The following PTPRU variants were observed in gnomAD, a reference collection of about 807,000 sequenced individuals.
PTPRU encodes the protein protein tyrosine phosphatase receptor type U, also known as receptor-type tyrosine-protein phosphatase U.
PTPRU carries 69 observed loss-of-function variants against 166.3 expected under a neutral mutation model. The ratio of observed to expected loss-of-function variants is 0.41; its 90% CI spans 0.34 to 0.51. PTPRU has a LOEUF of 0.51. Among genes scored for constraint, PTPRU ranks in the 20% least tolerant of loss-of-function variants. The probability of loss-of-function intolerance (pLI) is 0.09; values close to 1 mark genes in which losing one functional copy is unlikely to be tolerated. For synonymous variants in PTPRU, 793 were observed against 814.0 expected (o/e 0.97, Z 0.44); for missense variants, 1,657 against 2,013.7 (o/e 0.82, Z 3.39).
chr1:29,292,362 C>T (rs1686681210), intron 15 of PTPRU, among the ~76,000 whole-genome samples: 2 of 152,170 alleles, frequency 1.3e-5, no homozygotes. Flanking sequence ...GATACAGTGG[C>T]TGAGAGAGAC....
At chr1:29,292,127 A>G (rs1686670979) in intron 15 of PTPRU, 101 bp downstream of exon 15, 3 of 1,406,814 alleles carry the variant, frequency 2.1e-6, no homozygotes, top group Non-Finnish European at 1.9e-6. Context: ...ACCTGCAACC[A>G]AAAGTGAAGC....
At chr1:29,290,721 C>T (rs1686591901) in intron 14 of PTPRU, among the ~76,000 whole-genome samples, 1 of 152,254 alleles carries the variant, frequency 6.6e-6, no homozygotes, top group Admixed American at 6.5e-5. Context: ...AGGCAGCTCT[C>T]CCTGCTGCTT....
Position 29,291,983 on chromosome 1 carries a change from G to T in PTPRU, c.2433G>T (p.Arg811=). The T allele has an allele frequency of 6.2e-7, 1 of 1,614,210 alleles. No individual in the cohort carries two copies. ...AGAGCACCCTGCAGGAGGACGAGCGGCTGGGCCTGTCCTTCATGGACACCC... is the reference window on the plus strand; with the variant it reads ...AGAGCACCCTGCAGGAGGACGAGCGTCTGGGCCTGTCCTTCATGGACACCC... The part of the protein sequence containing the change: ...TDQSTLQEDE[R]LGLSFMDTHG... Residue 811 remains arginine, a synonymous_variant, in exon 15 of 30, where the codon CGG becomes CGT. Transcript: ENST00000373779. This position sits in a 1 kb window ranked among gnomAD's most constrained non-coding sequence, Gnocchi z 4.1.
intron 26 of PTPRU, chr1:29,323,109 A>T (rs1283322461): frequency 6.8e-6 from 3 of 440,774 alleles, no homozygotes; most frequent in Non-Finnish European, 1.3e-5. Context: ...GCACAGCAGT[A>T]GGCATCAGTG....
At chr1:29,312,529 T>A in intron 21 of PTPRU, 23 bp from the exon 22 acceptor site, 2 of 1,566,278 alleles carry the variant, frequency 1.3e-6, no homozygotes, top group Non-Finnish European at 1.7e-6. Flanking sequence ...GGACTCTGAT[T>A]ATTATTCCCA....
chr1:29,255,488 A>G, intron 2 of PTPRU, 82 bp downstream of exon 2: 2 of 1,566,038 alleles, frequency 1.3e-6, no homozygotes, highest in Non-Finnish European at 1.7e-6. Flanking sequence ...CCTTGGGCAC[A>G]TTACTTAACC....
intron 1 of PTPRU, among the ~76,000 whole-genome samples, chr1:29,240,508 TC>T (rs1166616386): frequency 1.3e-5 from 2 of 152,050 alleles, no homozygotes; most frequent in African/African-American, 4.8e-5. Context: ...GAACCAGGTT[TC>T]CCTCCAGGAA....
rs1375116457 is a variant in PTPRU at position 29,320,424 on chromosome 1, C to T, written c.3688-261C>T. 4 of 372,704 alleles carry T rather than the reference C, an allele frequency of 1.1e-5. No individual in the cohort carries two copies. Among genetic ancestry groups the T allele is most frequent in the African/African-American group, 2.1e-5 (1 of 48,202 alleles). 23.1% of individuals were successfully genotyped at this position (372,704 alleles called of 1,614,324 possible). On this transcript the variant is annotated intron_variant, in intron 25 of 29. Transcript: ENST00000373779. The surrounding 1 kb of genome is among the most constrained non-coding windows in gnomAD (Gnocchi z 5.2). Reference sequence around the variant, plus strand: ...TGAGCTCAGCCTCATGCCCAAGCTCCCCTCGCCATACCTTTGGAAACTTTT... The same window carrying T: ...TGAGCTCAGCCTCATGCCCAAGCTCTCCTCGCCATACCTTTGGAAACTTTT...
chr1:29,315,935 A>C lies in PTPRU; in HGVS notation c.3364-67A>C. The C allele has an allele frequency of 6.4e-7, 1 of 1,573,832 alleles. No individual in the cohort carries two copies. Among genetic ancestry groups the C allele is most frequent in the South Asian group, 1.2e-5 (1 of 85,536 alleles). On this transcript the variant is annotated intron_variant, in intron 23 of 29. Transcript: ENST00000373779. The surrounding 1 kb of genome is among the most constrained non-coding windows in gnomAD (Gnocchi z 4.5). ...CCTGCTTCAACCTTGAGCTTGCTTA[A>C]GCCCCATCACCACAGATCTCCAGCT...
In PTPRU at chr1:29,311,289, C is replaced by T; in HGVS notation, c.2858-167C>T. 1.5e-6 allele frequency: 1 copy of T among 654,278 alleles called. No individual in the cohort carries two copies. The highest frequency in any genetic ancestry group is 1.9e-5 in the South Asian group (1 of 52,838). 40.5% of individuals were successfully genotyped at this position (654,278 alleles called of 1,614,324 possible). ...CCTGATGCTACCCAACCTCAGGGCCCTACAGGCATGCGTCAGCTGCAAGCT... is the reference window on the plus strand; with the variant it reads ...CCTGATGCTACCCAACCTCAGGGCCTTACAGGCATGCGTCAGCTGCAAGCT... On this transcript the variant is annotated intron_variant, in intron 19 of 29. Transcript: ENST00000373779. This position sits in a 1 kb window ranked among gnomAD's most constrained non-coding sequence, Gnocchi z 4.1.
chr1:29,274,298 C>G (rs1433084769), intron 7 of PTPRU, among the ~76,000 whole-genome samples: 1 of 152,226 alleles, frequency 6.6e-6, no homozygotes, highest in African/African-American at 2.4e-5. Context: ...CTCGGCCTCC[C>G]AAAGTGCTGG....
At chr1:29,247,492 T>G (rs1381896668) in intron 1 of PTPRU, among the ~76,000 whole-genome samples, 2 of 152,260 alleles carry the variant, frequency 1.3e-5, no homozygotes, top group African/African-American at 4.8e-5. Flanking sequence ...CCTCTCTCCA[T>G]GGACCTTTAT....
chr1:29,251,256 GAA>G (rs1055953111), intron 1 of PTPRU, among the ~76,000 whole-genome samples: 1 of 138,784 alleles, frequency 7.2e-6, no homozygotes, highest in Admixed American at 7.2e-5. Flanking sequence ...TATCTCAAAA[GAA>G]AAAAAAAAAA....
At chr1:29,249,294 AC>A (rs1260773620) in intron 1 of PTPRU, among the ~76,000 whole-genome samples, 1 of 151,474 alleles carries the variant, frequency 6.6e-6, no homozygotes, top group African/African-American at 2.4e-5. Flanking sequence ...CCCTTACATC[AC>A]CCCATCCTGA....
Position 29,238,546 on chromosome 1 carries a change from G to C in PTPRU, c.73+1829G>C, listed in dbSNP as rs1683894031. Among the ~76,000 whole-genome samples, 2 of 152,204 alleles carry C rather than the reference G, an allele frequency of 1.3e-5. No individual in the cohort carries two copies. The highest frequency in any genetic ancestry group is 2.1e-4 in the South Asian group (1 of 4,832). On this transcript the variant is annotated intron_variant, in intron 1 of 29. Transcript: ENST00000373779. The surrounding 1 kb of genome is among the most constrained non-coding windows in gnomAD (Gnocchi z 6.1). ...CTGCTGGCTCCGGTGTCTCGGGCCG[G>C]AACTCCTGTGGCTCCAGCGTTCGCG...
chr1:29,237,538 G>T lies in PTPRU; in HGVS notation c.73+821G>T, dbSNP rs1423414532. On this transcript the variant is annotated intron_variant, in intron 1 of 29. Transcript: ENST00000373779. The surrounding 1 kb of genome is among the most constrained non-coding windows in gnomAD (Gnocchi z 6.4). ...CCTGGTCCCGGGGCCGCCCGAGGGG[G>T]CGGTGGCAGGACGTGTGTGCGCGCG... Among the ~76,000 whole-genome samples, 1 of 151,478 alleles carries T rather than the reference G, an allele frequency of 6.6e-6. No individual in the cohort carries two copies. Among genetic ancestry groups the T allele is most frequent in the African/African-American group, 2.4e-5 (1 of 41,240 alleles).
In PTPRU at chr1:29,292,000, T is replaced by A. The variant is rs779101252; in HGVS notation, c.2450T>A (p.Met817Lys). The A allele has an allele frequency of 6.2e-7, 1 of 1,614,150 alleles. No homozygotes were observed. The highest frequency in any genetic ancestry group is 8.5e-7 in the Non-Finnish European group (1 of 1,180,008). Residue 817 changes from methionine to lysine, a missense_variant, in exon 15 of 30, where the codon ATG becomes AAG. By Grantham distance (95) the Met-to-Lys change is moderately conservative. Coordinates refer to ENST00000373779, the MANE Select transcript of PTPRU (RefSeq NM_133178.4). This position sits in a 1 kb window ranked among gnomAD's most constrained non-coding sequence, Gnocchi z 4.1. ...GACGAGCGGCTGGGCCTGTCCTTCATGGACACCCATGGCTACAGCACCCGG... is the reference window on the plus strand; with the variant it reads ...GACGAGCGGCTGGGCCTGTCCTTCAAGGACACCCATGGCTACAGCACCCGG... ...QEDERLGLSF[M>K]DTHGYSTRGD...
chr1:29,260,553 G>A lies in PTPRU; in HGVS notation c.851-57G>A. On this transcript the variant is annotated intron_variant, in intron 6 of 29. Coordinates refer to ENST00000373779, the MANE Select transcript of PTPRU (RefSeq NM_133178.4). The surrounding 1 kb of genome is among the most constrained non-coding windows in gnomAD (Gnocchi z 8.3). ...TGGGTGTGGTGGAACTCAGAGTTGG[G>A]TGCTGGGGTCTCACAGCAGCATCGG... The A allele has an allele frequency of 7.7e-7, 1 of 1,294,998 alleles. No individual in the cohort carries two copies. The highest frequency in any genetic ancestry group is 1.0e-6 in the Non-Finnish European group (1 of 961,464). The allele number at this position is 1,294,998 out of a possible 1,614,324, so 80.2% of individuals were successfully genotyped here.
intron 15 of PTPRU, among the ~76,000 whole-genome samples, chr1:29,292,726 T>C (rs1256316888): frequency 6.6e-6 from 1 of 152,134 alleles, no homozygotes; most frequent in African/African-American, 2.4e-5. Context: ...ATGAACCTCA[T>C]TGGTGAATTA....
Sources: allele counts gnomAD v4.1 joint callset (sites outside exome capture counted in the v4.1 genomes callset), GRCh38; gene constraint gnomAD v4.1.1; non-coding constraint Gnocchi (gnomAD v3.1); transcripts MANE v1.5; gene names NCBI Gene and HGNC (gene_info 2026-07-23, HGNC 2026-07-21).